Variants in RTN1 observed in about 807,000 individuals in gnomAD.
RTN1 encodes reticulon-1.
Under a neutral mutation model 65.5 loss-of-function variants are expected in RTN1, and 25 were observed. That is an observed-to-expected ratio of 0.38 (90% confidence interval 0.28 to 0.53). RTN1 has a LOEUF of 0.53. Ranked by LOEUF, RTN1 falls within the 20% of genes least tolerant of loss-of-function variation. The pLI is 0.79. For missense variants in RTN1, 983 were observed against 1,025.4 expected (o/e 0.96, Z 0.57); for synonymous variants, 471 against 447.6 (o/e 1.05, Z -0.66).
intron 1 of RTN1, among the ~76,000 whole-genome samples, chr14:59,824,138 G>T (rs140249970): frequency 6.6e-6 from 1 of 152,198 alleles, no homozygotes; most frequent in Admixed American, 6.5e-5. Context: ...ATACCTGGAT[G>T]TAGTAAAGAT....
intron 3 of RTN1, among the ~76,000 whole-genome samples, chr14:59,669,746 T>C (rs1294464374): frequency 6.6e-6 from 1 of 152,198 alleles, no homozygotes; most frequent in Non-Finnish European, 1.5e-5. Flanking sequence ...ATCTCCTTGC[T>C]CTAAAGTTCT....
chr14:59,614,458 A>G lies in RTN1; in HGVS notation c.1766-6966T>C, dbSNP rs181756781. Among the ~76,000 whole-genome samples, 6 of 152,372 alleles carry G rather than the reference A, an allele frequency of 3.9e-5. 1 individual carries two copies. The highest frequency in any genetic ancestry group is 1.4e-4 in the African/African-American group (6 of 41,590). On this transcript the variant is annotated intron_variant, in intron 3 of 8. Transcript: ENST00000267484. ...AAAAAACTCTAATTGGCTTAGAAAC[A>G]TAAGTGCTTAAATCAAATATTTTGT...
At chr14:59,673,788 C>G (rs946673444) in intron 3 of RTN1, among the ~76,000 whole-genome samples, 1 of 152,166 alleles carries the variant, frequency 6.6e-6, no homozygotes, top group Non-Finnish European at 1.5e-5. Flanking sequence ...AGGCTTTAAA[C>G]TGTCCTTGGA....
At chr14:59,690,668 C>G (rs2140227846) in intron 3 of RTN1, among the ~76,000 whole-genome samples, 1 of 152,184 alleles carries the variant, frequency 6.6e-6, no homozygotes, top group East Asian at 1.9e-4. Flanking sequence ...GAAACATACT[C>G]CAAGACTGAC....
At chr14:59,704,854 T>C (rs1483809297) in intron 3 of RTN1, among the ~76,000 whole-genome samples, 1 of 152,054 alleles carries the variant, frequency 6.6e-6, no homozygotes, top group Non-Finnish European at 1.5e-5. Context: ...GACGTATCAT[T>C]TTGATGCCAA....
chr14:59,638,161 A>G (rs1882705758), intron 3 of RTN1, among the ~76,000 whole-genome samples: 1 of 152,018 alleles, frequency 6.6e-6, no homozygotes. Flanking sequence ...CACAAAATGT[A>G]TTTTAAATAT....
chr14:59,773,666 A>G (rs532583050), intron 1 of RTN1, among the ~76,000 whole-genome samples: 4 of 152,262 alleles, frequency 2.6e-5, no homozygotes, highest in African/African-American at 4.8e-5. Flanking sequence ...TCATAACTCT[A>G]TATCTGAGAT....
At chr14:59,681,181 C>A (rs911125980) in intron 3 of RTN1, among the ~76,000 whole-genome samples, 25 of 152,048 alleles carry the variant, frequency 1.6e-4, no homozygotes, top group Admixed American at 6.6e-5. Context: ...TTATTAAATA[C>A]ATCTTAGATT....
intron 1 of RTN1, among the ~76,000 whole-genome samples, chr14:59,821,352 C>T (rs924760985): frequency 1.3e-5 from 2 of 152,134 alleles, no homozygotes; most frequent in African/African-American, 4.8e-5. Flanking sequence ...GATTTTTGTA[C>T]GTTGTTTCTA....
intron 2 of RTN1, among the ~76,000 whole-genome samples, chr14:59,736,898 G>T (rs1885012737): frequency 6.6e-6 from 1 of 152,118 alleles, no homozygotes; most frequent in Non-Finnish European, 1.5e-5. Context: ...CACATAAGCA[G>T]ATCTAAAGAC....
chr14:59,733,591 C>G (rs1353940857), intron 2 of RTN1, among the ~76,000 whole-genome samples: 4 of 152,166 alleles, frequency 2.6e-5, no homozygotes, highest in Non-Finnish European at 5.9e-5. Context: ...TCCAAGCTGA[C>G]AGGAGCAGAG....
chr14:59,611,069 T>C (rs867136001), intron 3 of RTN1, among the ~76,000 whole-genome samples: 1 of 152,220 alleles, frequency 6.6e-6, no homozygotes, highest in Admixed American at 6.5e-5. Flanking sequence ...GAGACTGATT[T>C]GAGTAATAAC....
At chr14:59,758,764 A>G (rs1226702211) in intron 1 of RTN1, among the ~76,000 whole-genome samples, 1 of 152,206 alleles carries the variant, frequency 6.6e-6, no homozygotes, top group Admixed American at 6.5e-5. Context: ...GTGCAAAGCA[A>G]TTACTGATTG....
chr14:59,812,191 T>C (rs1029705792), intron 1 of RTN1, among the ~76,000 whole-genome samples: 2 of 152,164 alleles, frequency 1.3e-5, no homozygotes, highest in Admixed American at 6.5e-5. Context: ...AAATAACATA[T>C]GCATTCCTAA....
rs555892464 is a variant in RTN1, at chr14:59,806,964, C to G, written c.242-60483G>C. Among the ~76,000 whole-genome samples the G allele has an allele frequency of 9.8e-5, 15 of 152,314 alleles. No homozygotes were observed. The South Asian group carries it at 3.1e-3, about 32-fold the overall frequency. ...TAAGTCTCAGATTTGGCTGCGCCCT[C>G]AAAAGGCTGAGAACAAAAAAGTAGA... is the stretch of plus-strand genomic sequence containing the variant. On this transcript the variant is annotated intron_variant, in intron 1 of 8. Coordinates refer to ENST00000267484, the MANE Select transcript of RTN1 (RefSeq NM_021136.3).
In RTN1 at chr14:59,800,402, G is replaced by T. The variant is rs192622234; in HGVS notation, c.242-53921C>A. On this transcript the variant is annotated intron_variant, in intron 1 of 8. Transcript: ENST00000267484. ...AAAAATACATCTTTTTGTTGTTGTT[G>T]TTTTTGTTTTTGTTTTGAGTCAGAG... 3.3e-3 allele frequency among the ~76,000 whole-genome samples: 498 copies of T among 152,188 alleles called. 3 individuals carry two copies. Among genetic ancestry groups the T allele is most frequent in the African/African-American group, 0.011 (466 of 41,522 alleles).
chr14:59,800,545 C>T (rs1031861802), intron 1 of RTN1, among the ~76,000 whole-genome samples: 15 of 152,044 alleles, frequency 9.9e-5, no homozygotes, highest in Admixed American at 2.0e-4. Flanking sequence ...GGACTACAGG[C>T]GCCCACCACC....
chr14:59,788,709 T>G (rs1886295769), intron 1 of RTN1, among the ~76,000 whole-genome samples: 1 of 152,228 alleles, frequency 6.6e-6, no homozygotes, highest in African/African-American at 2.4e-5. Context: ...TCAATTGATC[T>G]ATTTCTTTTT....
intron 1 of RTN1, among the ~76,000 whole-genome samples, chr14:59,857,211 T>A (rs998212296): frequency 1.3e-4 from 20 of 152,176 alleles, no homozygotes; most frequent in African/African-American, 4.6e-4. Flanking sequence ...GCTTTTTTAA[T>A]GAGGGGCAAG....
Sources: allele counts gnomAD v4.1 joint callset (sites outside exome capture counted in the v4.1 genomes callset), GRCh38; gene constraint gnomAD v4.1.1; transcripts MANE v1.5; gene names NCBI Gene and HGNC (gene_info 2026-07-23, HGNC 2026-07-21).